The following LAMA2 variants were observed in gnomAD, a reference collection of about 807,000 sequenced individuals.
The protein encoded by LAMA2 is laminin subunit alpha 2, also known as laminin subunit alpha-2.
A neutral mutation model predicts 364.8 loss-of-function variants in LAMA2; 269 were observed. The ratio of observed to expected loss-of-function variants is 0.74; its 90% CI spans 0.67 to 0.82. LAMA2 has a LOEUF of 0.82. Among genes scored for constraint, LAMA2 ranks in the 40% least tolerant of loss-of-function variants. LAMA2 has a pLI of 0.00. For synonymous variants in LAMA2, 1,379 were observed against 1,370.6 expected (o/e 1.01, Z -0.14); for missense variants, 3,807 against 3,873.2 (o/e 0.98, Z 0.45).
At chr6:129,419,679 T>C (rs188800945) in intron 40 of LAMA2, among the ~76,000 whole-genome samples, 2 of 152,340 alleles carry the variant, frequency 1.3e-5, no homozygotes, top group African/African-American at 4.8e-5. Flanking sequence ...TCACGAATTT[T>C]AAATTATCAT....
chr6:129,158,272 G>T (rs781339102), intron 8 of LAMA2: 4 of 1,613,930 alleles, frequency 2.5e-6, no homozygotes, highest in Middle Eastern at 1.6e-4. Context: ...TTTTCATGGC[G>T]CATTAGCACA....
chr6:129,110,609 C>A (rs747033109), intron 4 of LAMA2, among the ~76,000 whole-genome samples: 1 of 152,034 alleles, frequency 6.6e-6, no homozygotes, highest in Non-Finnish European at 1.5e-5. Context: ...TGATCCTCAC[C>A]AAAGCCTTGG....
intron 3 of LAMA2, among the ~76,000 whole-genome samples, chr6:129,069,903 A>G (rs968778219): frequency 6.6e-6 from 1 of 151,078 alleles, no homozygotes; most frequent in East Asian, 1.9e-4. Context: ...GTACCTATAT[A>G]TAAGACTTTT....
intron 39 of LAMA2, among the ~76,000 whole-genome samples, chr6:129,402,877 G>A (rs891325307): frequency 6.6e-6 from 1 of 152,156 alleles, no homozygotes; most frequent in African/African-American, 2.4e-5. Flanking sequence ...ACAATTTATT[G>A]TTAAAAGGAT....
chr6:129,208,574 GAGAA>G (rs1225317198), intron 12 of LAMA2, among the ~76,000 whole-genome samples: 2 of 148,456 alleles, frequency 1.3e-5, no homozygotes, highest in Non-Finnish European at 1.5e-5. Context: ...GAGAAAGAAA[GAGAA>G]AGAAAGGAGG....
chr6:128,903,343 G>C (rs12191680), intron 1 of LAMA2, among the ~76,000 whole-genome samples: 27,382 of 152,070 alleles, frequency 0.18, 2,771 homozygotes, highest in African/African-American at 0.26. Flanking sequence ...TAGAATTACA[G>C]ATCTTAGTGT....
At chr6:129,321,104 C>T (rs2114514969) in intron 28 of LAMA2, among the ~76,000 whole-genome samples, 1 of 152,216 alleles carries the variant, frequency 6.6e-6, no homozygotes, top group African/African-American at 2.4e-5. Context: ...TATCTTTGTT[C>T]CAACAGTGCT....
intron 1 of LAMA2, among the ~76,000 whole-genome samples, chr6:128,958,130 A>AATAAGTAATCTAATG (rs1781267139): frequency 6.6e-6 from 1 of 151,950 alleles, no homozygotes. Context: ...ATAGAAGCAG[A>AATAAGTAATCTAATG]AATAAGTAAT....
chr6:129,453,518 G>T (rs1029675510), intron 46 of LAMA2, among the ~76,000 whole-genome samples: 4 of 152,054 alleles, frequency 2.6e-5, no homozygotes, highest in Non-Finnish European at 5.9e-5. Context: ...AATGAAAATA[G>T]CAAAGTGTGT....
chr6:129,182,445 A>G (rs1583203649), intron 10 of LAMA2, among the ~76,000 whole-genome samples: 2 of 151,914 alleles, frequency 1.3e-5, no homozygotes, highest in East Asian at 3.9e-4. Context: ...AATGTGCTCA[A>G]CGTAAATGTA....
intron 1 of LAMA2, among the ~76,000 whole-genome samples, chr6:128,905,134 A>C (rs1299174088): frequency 1.3e-5 from 2 of 152,196 alleles, no homozygotes; most frequent in Admixed American, 1.3e-4. Context: ...TCTGGGTCAT[A>C]GTTTCCTATA....
At chr6:129,490,538 C>A (rs1258619979) in intron 56 of LAMA2, 1 of 152,188 alleles carries the variant, frequency 6.6e-6, no homozygotes, top group Non-Finnish European at 1.5e-5. Flanking sequence ...CTTGGACAAT[C>A]TTTAACAGAG....
At chr6:129,033,230 A>G (rs1175914731) in intron 1 of LAMA2, among the ~76,000 whole-genome samples, 8 of 151,536 alleles carry the variant, frequency 5.3e-5, no homozygotes, top group Non-Finnish European at 2.9e-5. Context: ...AAAAAAAAAA[A>G]GAAAAGAATG....
chr6:129,183,961 C>T (rs944641021), intron 10 of LAMA2, among the ~76,000 whole-genome samples: 3 of 151,820 alleles, frequency 2.0e-5, no homozygotes, highest in African/African-American at 4.8e-5. Flanking sequence ...TTAGCCTTTC[C>T]GATTCTGTTT....
intron 1 of LAMA2, among the ~76,000 whole-genome samples, chr6:128,921,058 C>T (rs73773560): frequency 0.01 from 1,555 of 152,226 alleles, 31 homozygotes; most frequent in African/African-American, 0.035. Context: ...AAGCCTGAAA[C>T]GCGTATCTTG....
chr6:129,111,572 T>C (rs970620124), intron 4 of LAMA2, among the ~76,000 whole-genome samples: 1 of 151,970 alleles, frequency 6.6e-6, no homozygotes, highest in African/African-American at 2.4e-5. Flanking sequence ...AAATGCAGTT[T>C]CATATGGTTT....
intron 12 of LAMA2, among the ~76,000 whole-genome samples, chr6:129,235,140 G>A (rs1483494152): frequency 6.6e-6 from 1 of 152,108 alleles, no homozygotes; most frequent in Non-Finnish European, 1.5e-5. Context: ...TGAAAGACAA[G>A]CAGGAAACTT....
At chr6:129,301,901 G>A (rs1773574962) in intron 22 of LAMA2, among the ~76,000 whole-genome samples, 1 of 151,906 alleles carries the variant, frequency 6.6e-6, no homozygotes, top group South Asian at 2.1e-4. Flanking sequence ...TTTTTGAGGG[G>A]GGGTTTGTTT....
At chr6:128,892,987 C>T (rs1441363003) in intron 1 of LAMA2, among the ~76,000 whole-genome samples, 1 of 151,870 alleles carries the variant, frequency 6.6e-6, no homozygotes, top group Non-Finnish European at 1.5e-5. Context: ...TTCTTAAAGG[C>T]CCGTTTACCA....
Sources: allele counts gnomAD v4.1 joint callset (sites outside exome capture counted in the v4.1 genomes callset), GRCh38; gene constraint gnomAD v4.1.1; transcripts MANE v1.5; gene names NCBI Gene and HGNC (gene_info 2026-07-23, HGNC 2026-07-21).